Variants in SP100 observed in about 807,000 individuals in gnomAD.
The protein encoded by SP100 is SP100 nuclear body protein.
Under a neutral mutation model 130.0 loss-of-function variants are expected in SP100, and 84 were observed. The ratio of observed to expected loss-of-function variants is 0.65; its 90% confidence interval spans 0.54 to 0.77. The LOEUF is 0.77. SP100 is among the 30% of genes least tolerant of loss of function. The pLI is 0.00. For missense variants in SP100, 978 were observed against 1,052.2 expected (o/e 0.93, Z 0.97); for synonymous variants, 331 against 351.7 (o/e 0.94, Z 0.66).
At chr2:230,439,998 C>A (rs56102622) in intron 2 of SP100, among the ~76,000 whole-genome samples, 80,879 of 151,782 alleles carry the variant, frequency 0.53, 22,481 homozygotes, top group African/African-American at 0.67. Flanking sequence ...CAAATCTTTT[C>A]GAAAGGAAAG....
intron 18 of SP100, among the ~76,000 whole-genome samples, chr2:230,496,865 C>A (rs1232024623): frequency 6.6e-6 from 1 of 152,170 alleles, no homozygotes; most frequent in Non-Finnish European, 1.5e-5. Context: ...TCCTCCTTTC[C>A]CTAGGGAGAC....
chr2:230,514,930 G>A, intron 24 of SP100: 1 of 1,152,184 alleles, frequency 8.7e-7, no homozygotes, highest in Non-Finnish European at 1.2e-6. Flanking sequence ...AGAGATTGCA[G>A]TACATTGAGC....
rs550486708 is a variant in SP100 at position 230,541,511 on chromosome 2, A to G, written c.2403+139A>G. 2.4e-4 allele frequency: 175 copies of G among 721,734 alleles called. No individual in the cohort carries two copies. The South Asian group carries it at 3.0e-3, about 12-fold the overall frequency. The allele number at this position is 721,734 out of a possible 1,614,324, so 44.7% of individuals were successfully genotyped here. Reference sequence around the variant, plus strand: ...CTACTATAGAAATTTATCATAGATTAGGTGGCTTAAACAGCAGAAATGTTT... The same window carrying G: ...CTACTATAGAAATTTATCATAGATTGGGTGGCTTAAACAGCAGAAATGTTT... On this transcript the variant is annotated intron_variant, in intron 27 of 28. Coordinates refer to ENST00000340126, the MANE Select transcript of SP100 (RefSeq NM_001080391.2).
At chr2:230,504,526 CA>C (rs2067213305) in intron 21 of SP100, among the ~76,000 whole-genome samples, 1 of 152,108 alleles carries the variant, frequency 6.6e-6, no homozygotes, top group African/African-American at 2.4e-5. Flanking sequence ...CAGAGACAAC[CA>C]AAAGCAAGCT....
intron 20 of SP100, 32 bp from the exon 21 acceptor site, chr2:230,504,154 G>A: frequency 1.6e-6 from 2 of 1,246,572 alleles, no homozygotes; most frequent in Non-Finnish European, 2.4e-6. Context: ...TGTAAAAGTA[G>A]ATGGAATGGA....
intron 24 of SP100, among the ~76,000 whole-genome samples, chr2:230,526,392 C>T (rs28829019): frequency 0.18 from 27,705 of 152,078 alleles, 3,012 homozygotes; most frequent in African/African-American, 0.3. Flanking sequence ...ACATCCACAC[C>T]AAAACCCCAT....
At chr2:230,503,322 G>A (rs925420189) in intron 20 of SP100, among the ~76,000 whole-genome samples, 1 of 152,242 alleles carries the variant, frequency 6.6e-6, no homozygotes, top group South Asian at 2.1e-4. Flanking sequence ...AGGGTTCCCT[G>A]AGCAATGTGC....
At chr2:230,443,297 C>T (rs1290122834) in intron 3 of SP100, among the ~76,000 whole-genome samples, 198 bp downstream of exon 3, 1 of 152,174 alleles carries the variant, frequency 6.6e-6, no homozygotes, top group Admixed American at 6.5e-5. Flanking sequence ...CGGAGATGGT[C>T]CCACTTCCAG....
In SP100 at chr2:230,541,962, A is replaced by G; in HGVS notation, c.2474A>G (p.Gln825Arg). The G allele has an allele frequency of 3.7e-6, 6 of 1,614,158 alleles. No homozygotes were observed. Among genetic ancestry groups the G allele is most frequent in the Non-Finnish European group, 5.1e-6 (6 of 1,179,966 alleles). Residue 825 changes from glutamine (Q) to arginine (R), a missense_variant, in exon 28 of 29, where the codon CAG becomes CGG. Coordinates refer to ENST00000340126, the MANE Select transcript of SP100 (RefSeq NM_001080391.2). ...AAAGTCAAGACAAGTTTGAATGAGC[A>G]GATGTACACCCGAGTAGAAGGGTTT... ...LNKVKTSLNE[Q>R]MYTRVEGFVQ...
chr2:230,449,213 T>A, intron 6 of SP100, 63 bp downstream of exon 6: 5 of 1,514,902 alleles, frequency 3.3e-6, no homozygotes, highest in Non-Finnish European at 4.6e-6. Context: ...GAATGTGCTG[T>A]GGGGTTGCCT....
intron 24 of SP100, among the ~76,000 whole-genome samples, chr2:230,524,195 A>G (rs148478215): frequency 0.015 from 2,182 of 143,316 alleles, 30 homozygotes; most frequent in Non-Finnish European, 0.018. Flanking sequence ...AAAAAAAAAA[A>G]AAAAAAGAAA....
intron 24 of SP100, chr2:230,538,778 G>A (rs1692050994): frequency 6.4e-6 from 1 of 155,048 alleles, no homozygotes; most frequent in African/African-American, 2.4e-5. Context: ...AGCCCTCCAG[G>A]AAAAGAACTG....
In SP100 at chr2:230,531,897, G is replaced by A. The variant is rs139619840; in HGVS notation, c.2095-7370G>A. On this transcript the variant is annotated intron_variant, in intron 24 of 28. Coordinates refer to ENST00000340126, the MANE Select transcript of SP100 (RefSeq NM_001080391.2). ...AGGTAAACTGAGTAGAAGAATAATT[G>A]GAGGTTGGTTTCCTATTTATTTGTT... 2.6e-5 allele frequency among the ~76,000 whole-genome samples: 4 copies of A among 152,092 alleles called. No homozygotes were observed. The East Asian group carries it at 7.7e-4, about 29-fold the overall frequency.
chr2:230,495,343 G>A (rs1008304639), intron 18 of SP100, among the ~76,000 whole-genome samples: 10 of 152,058 alleles, frequency 6.6e-5, no homozygotes, highest in Non-Finnish European at 1.5e-4. Flanking sequence ...TCTTTTTTGA[G>A]ATGGAGTCTG....
In SP100 at chr2:230,508,254, G is replaced by C. The variant is rs548068087; in HGVS notation, c.2052+223G>C. On this transcript the variant is annotated intron_variant, in intron 23 of 28. Coordinates refer to ENST00000340126, the MANE Select transcript of SP100 (RefSeq NM_001080391.2). ...GAGGTGGGAACAATCCTCAGAAATA[G>C]ATTAAAAGACAGAACTGAATTGTAT... The C allele has an allele frequency of 1.1e-5, 5 of 437,224 alleles. No individual in the cohort carries two copies. In the East Asian group the frequency reaches 2.2e-4, roughly 19 times the overall value. 27.1% of individuals were successfully genotyped at this position (437,224 alleles called of 1,614,324 possible).
chr2:230,424,862 C>T (rs936438157), intron 2 of SP100, among the ~76,000 whole-genome samples: 1 of 151,832 alleles, frequency 6.6e-6, no homozygotes, highest in Non-Finnish European at 1.5e-5. Context: ...TAATGTAGCC[C>T]CTATTTGAAA....
intron 17 of SP100, among the ~76,000 whole-genome samples, chr2:230,486,416 A>G (rs2150028751): frequency 6.6e-6 from 1 of 152,288 alleles, no homozygotes; most frequent in Non-Finnish European, 1.5e-5. Context: ...ATGAGTGAGA[A>G]CATACAGTGT....
chr2:230,453,310 G>C (rs895734423), intron 8 of SP100, among the ~76,000 whole-genome samples: 1 of 152,172 alleles, frequency 6.6e-6, no homozygotes, highest in Admixed American at 6.5e-5. Flanking sequence ...CCCATGACAT[G>C]TGGGGGTTAT....
intron 17 of SP100, among the ~76,000 whole-genome samples, chr2:230,477,417 A>G (rs1008900688): frequency 6.6e-6 from 1 of 152,080 alleles, no homozygotes; most frequent in African/African-American, 2.4e-5. Context: ...TTCTTCCTCA[A>G]TATTTTAAAA....
Sources: gnomAD v4.1 joint callset for allele counts (sites outside exome capture counted in the v4.1 genomes callset) on GRCh38, gnomAD v4.1.1 for gene constraint, MANE v1.5 for transcripts, NCBI Gene and HGNC (gene_info 2026-07-23, HGNC 2026-07-21) for gene names.